The following ZMIZ1 variants were observed in gnomAD, a reference collection of about 807,000 sequenced individuals.
ZMIZ1 encodes zinc finger MIZ-type containing 1.
In ZMIZ1, 17 loss-of-function variants were observed where a neutral mutation model predicts 113.9. The observed-to-expected ratio is 0.15, with a 90% confidence interval of 0.10 to 0.22. The LOEUF (loss-of-function observed/expected upper bound fraction) is 0.22. Among genes scored for constraint, ZMIZ1 ranks in the 10% least tolerant of loss-of-function variants. ZMIZ1 has a pLI of 1.00. For missense variants in ZMIZ1, 1,059 were observed against 1,477.8 expected (o/e 0.72, Z 4.65); for synonymous variants, 607 against 603.1 (o/e 1.01, Z -0.09).
chr10:79,114,839 C>T (rs373377341), intron 1 of ZMIZ1, among the ~76,000 whole-genome samples: 14 of 152,192 alleles, frequency 9.2e-5, no homozygotes, highest in African/African-American at 2.4e-4. Flanking sequence ...GGCTGCTGCC[C>T]GGGTGGTGTC....
intron 3 of ZMIZ1, among the ~76,000 whole-genome samples, chr10:79,154,162 C>A (rs186584147): frequency 3.3e-5 from 5 of 152,128 alleles, no homozygotes; most frequent in African/African-American, 4.8e-5. Flanking sequence ...CAATATTGGA[C>A]CCCCTGGGTC....
intron 8 of ZMIZ1, among the ~76,000 whole-genome samples, chr10:79,284,000 C>G (rs761707801): frequency 1.2e-4 from 19 of 152,202 alleles, no homozygotes; most frequent in Non-Finnish European, 2.1e-4. Context: ...TGACAATACC[C>G]TTAATGGAAA....
chr10:79,198,961 G>A (rs899599922), intron 4 of ZMIZ1, among the ~76,000 whole-genome samples: 2 of 151,900 alleles, frequency 1.3e-5, no homozygotes, highest in African/African-American at 2.4e-5. Context: ...TTGAACCTGG[G>A]AGGCGGAGGC....
chr10:79,300,368 GT>G (rs1391700532), intron 16 of ZMIZ1, among the ~76,000 whole-genome samples: 2 of 152,200 alleles, frequency 1.3e-5, no homozygotes, highest in Non-Finnish European at 2.9e-5. Flanking sequence ...TAGAGATGGG[GT>G]TGGCTGGCCT....
At chr10:79,254,107 T>C (rs2132901012) in intron 7 of ZMIZ1, among the ~76,000 whole-genome samples, 1 of 152,352 alleles carries the variant, frequency 6.6e-6, no homozygotes, top group Non-Finnish European at 1.5e-5. Flanking sequence ...TTAAGCTGAA[T>C]CCTAGAACTC....
At chr10:79,139,424 A>C (rs867904129) in intron 2 of ZMIZ1, among the ~76,000 whole-genome samples, 21 of 152,230 alleles carry the variant, frequency 1.4e-4, no homozygotes, top group African/African-American at 2.2e-4. Context: ...GACAACACAA[A>C]GTCCCCAGTC....
chr10:79,296,163 G>T lies in ZMIZ1; in HGVS notation c.1231-308G>T. On this transcript the variant is annotated intron_variant, in intron 12 of 24. Transcript: ENST00000334512. This position sits in a 1 kb window ranked among gnomAD's most constrained non-coding sequence, Gnocchi z 4.1. The stretch of plus-strand genomic sequence containing the variant: ...GCACCAGGAGAGACACAAAGGTCGG[G>T]GGAGTTAGAATCAGGCCCCTCATAA... The T allele has an allele frequency of 2.4e-6, 1 of 410,526 alleles. No homozygotes were observed. 25.4% of individuals were successfully genotyped at this position (410,526 alleles called of 1,614,324 possible).
At chr10:79,096,890 C>T (rs1029598297) in intron 1 of ZMIZ1, among the ~76,000 whole-genome samples, 1 of 152,114 alleles carries the variant, frequency 6.6e-6, no homozygotes, top group Non-Finnish European at 1.5e-5. Flanking sequence ...TAGAAAACCA[C>T]CCAGAGGTGA....
chr10:79,278,937 C>A (rs2131980461), intron 8 of ZMIZ1, among the ~76,000 whole-genome samples: 1 of 152,378 alleles, frequency 6.6e-6, no homozygotes, highest in South Asian at 2.1e-4. Flanking sequence ...GGCCCGTTCT[C>A]AATGAGCTGT....
chr10:79,162,345 T>C (rs949810524), intron 4 of ZMIZ1, among the ~76,000 whole-genome samples: 1 of 152,156 alleles, frequency 6.6e-6, no homozygotes, highest in Non-Finnish European at 1.5e-5. Context: ...GGCCTGGCCT[T>C]TCTCTAGAGC....
chr10:79,310,375 C>G (rs1855047119), intron 23 of ZMIZ1, among the ~76,000 whole-genome samples: 1 of 152,252 alleles, frequency 6.6e-6, no homozygotes, highest in Admixed American at 6.5e-5. Context: ...ACACTTCGGA[C>G]TGGCAGAAGG....
At chr10:79,310,831 TC>T (rs776429219) in intron 23 of ZMIZ1, 92 bp from the exon 24 acceptor site, 17 of 1,421,610 alleles carry the variant, frequency 1.2e-5, no homozygotes, top group South Asian at 9.4e-5. Context: ...GGTTGTGACT[TC>T]CCTGGTTGTG....
chr10:79,282,769 A>C (rs906733468), intron 8 of ZMIZ1, among the ~76,000 whole-genome samples: 7 of 152,126 alleles, frequency 4.6e-5, no homozygotes, highest in African/African-American at 1.7e-4. Context: ...GAGGAATACT[A>C]ATTATCCTCA....
At chr10:79,310,880 C>G in intron 23 of ZMIZ1, 44 bp from the exon 24 acceptor site, 7 of 1,579,736 alleles carry the variant, frequency 4.4e-6, no homozygotes, top group Non-Finnish European at 6.0e-6. Flanking sequence ...CGCCGTGCCT[C>G]CTCACCTCAC....
Position 79,198,426 on chromosome 10 carries a change from C to G in ZMIZ1, c.-49-3158C>G, listed in dbSNP as rs548736997. ...ATTTTCTTTTTGGATGCTCCCTCAC[C>G]CCCCTCCTCCTTCCCCAGGCAGGTA... On this transcript the variant is annotated intron_variant, in intron 4 of 24. Transcript: ENST00000334512. Among the ~76,000 whole-genome samples the G allele has an allele frequency of 3.9e-5, 6 of 152,060 alleles. No individual in the cohort carries two copies. The South Asian group carries it at 1.3e-3, about 32-fold the overall frequency.
chr10:79,263,736 A>T (rs1314648765), intron 7 of ZMIZ1, among the ~76,000 whole-genome samples: 2 of 151,950 alleles, frequency 1.3e-5, no homozygotes, highest in African/African-American at 4.8e-5. Flanking sequence ...GGTCAAATCA[A>T]ATCAAGGGAG....
At chr10:79,099,108 C>T (rs1355328293) in intron 1 of ZMIZ1, among the ~76,000 whole-genome samples, 2 of 152,290 alleles carry the variant, frequency 1.3e-5, no homozygotes, top group South Asian at 2.1e-4. Flanking sequence ...ACCCCCTCCT[C>T]GACACCCACC....
chr10:79,251,311 G>A (rs1323419227), intron 7 of ZMIZ1, among the ~76,000 whole-genome samples: 1 of 152,250 alleles, frequency 6.6e-6, no homozygotes, highest in South Asian at 2.1e-4. Context: ...TAGGGCTGTG[G>A]GAGGATTAAA....
At chr10:79,201,554 C>A in intron 4 of ZMIZ1, 30 bp from the exon 5 acceptor site, 1 of 1,542,208 alleles carries the variant, frequency 6.5e-7, no homozygotes, top group Non-Finnish European at 8.9e-7. Flanking sequence ...CTGGCGTGAT[C>A]CAGTGACAAC....
Sources: allele counts gnomAD v4.1 joint callset (sites outside exome capture counted in the v4.1 genomes callset), GRCh38; gene constraint gnomAD v4.1.1; non-coding constraint Gnocchi (gnomAD v3.1); transcripts MANE v1.5; gene names NCBI Gene and HGNC (gene_info 2026-07-23, HGNC 2026-07-21).